The following RIPOR2 variants were observed in gnomAD, a reference collection of about 807,000 sequenced individuals.
The protein encoded by RIPOR2 is rho family-interacting cell polarization regulator 2.
A neutral mutation model predicts 114.5 loss-of-function variants in RIPOR2; 39 were observed. That is an observed-to-expected ratio of 0.34 (90% confidence interval 0.26 to 0.44). The LOEUF (loss-of-function observed/expected upper bound fraction) is 0.44, where lower values mean the gene tolerates loss of function less well. Ranked by LOEUF, RIPOR2 falls within the 20% of genes least tolerant of loss-of-function variation. The pLI, the probability that RIPOR2 is intolerant of heterozygous loss-of-function variation, is 1.00. For synonymous variants in RIPOR2, 445 were observed against 484.4 expected (o/e 0.92, Z 1.07); for missense variants, 1,007 against 1,255.1 (o/e 0.80, Z 2.99).
At chr6:24,993,346 C>CT (rs1398268065) in intron 1 of RIPOR2, among the ~76,000 whole-genome samples, 1 of 152,182 alleles carries the variant, frequency 6.6e-6, no homozygotes, top group Non-Finnish European at 1.5e-5. Context: ...CCTTCTTTGT[C>CT]TTTTTCTCCC....
At position 24,818,586 on chromosome 6, in the gene RIPOR2, G is replaced by A; in HGVS notation, c.2908C>T (p.Leu970Phe). ...AGGCAAGCTGCTTTCTGGAGCTGGA[G>A]GTTTGTCTTTGTTAGTGCTTCACAG... ...YYCEALTKTNLQLQKAACLAL... is the reference protein window; with the variant it reads ...YYCEALTKTNFQLQKAACLAL... Residue 970 changes from leucine to phenylalanine, a missense_variant, in exon 20 of 22, where the codon CTC becomes TTC. Transcript: ENST00000643898. The A allele has an allele frequency of 6.4e-7, 1 of 1,550,644 alleles. No homozygotes were observed. Among genetic ancestry groups the A allele is most frequent in the Non-Finnish European group, 8.7e-7 (1 of 1,146,294 alleles).
At chr6:24,999,558 CT>C (rs34050235) in intron 1 of RIPOR2, among the ~76,000 whole-genome samples, 41,835 of 137,372 alleles carry the variant, frequency 0.3, 5,698 homozygotes, top group Middle Eastern at 0.44. Flanking sequence ...CTGACTCATC[CT>C]TTTTTTTTTT....
intron 15 of RIPOR2, among the ~76,000 whole-genome samples, chr6:24,834,289 A>C (rs2113693262): frequency 6.6e-6 from 1 of 152,278 alleles, no homozygotes. Flanking sequence ...ATGGTGGAGA[A>C]GCATATTCTC....
At chr6:24,855,019 G>A (rs1403930598) in intron 8 of RIPOR2, among the ~76,000 whole-genome samples, 20 of 92,844 alleles carry the variant, frequency 2.2e-4, no homozygotes, top group African/African-American at 6.7e-4. Context: ...GTGAAACTCC[G>A]TCTCAAAAAA....
chr6:24,929,587 T>C (rs1013477833), intron 1 of RIPOR2: 1 of 152,232 alleles, frequency 6.6e-6, no homozygotes, highest in Non-Finnish European at 1.5e-5. Flanking sequence ...TCTGTCCTTC[T>C]GGTACTTGAA....
upstream of RIPOR2, among the ~76,000 whole-genome samples, chr6:24,936,666 C>T (rs374140717): frequency 1.2e-4 from 19 of 152,262 alleles, no homozygotes; most frequent in South Asian, 3.9e-3. Context: ...GCAGTCCTCC[C>T]AAAGGGATGA....
In RIPOR2 at chr6:24,902,333, G is replaced by A. The variant is rs559319565; in HGVS notation, c.62-26516C>T. The stretch of plus-strand genomic sequence containing the variant: ...GGGTTCAAGTGATTCTCCTGCCTTA[G>A]CCTCCTGAGTAGCTGGGATTACAGG... On this transcript the variant is annotated intron_variant, in intron 1 of 21. Transcript: ENST00000643898. 7.9e-5 allele frequency among the ~76,000 whole-genome samples: 12 copies of A among 151,604 alleles called. No homozygotes were observed. In the East Asian group the frequency reaches 2.3e-3, roughly 30 times the overall value.
At chr6:24,983,192 G>A (rs1378329997) in intron 1 of RIPOR2, among the ~76,000 whole-genome samples, 5 of 86,752 alleles carry the variant, frequency 5.8e-5, no homozygotes, top group African/African-American at 7.7e-5. Flanking sequence ...GGTTGAACAC[G>A]TACACACACA....
intron 1 of RIPOR2, among the ~76,000 whole-genome samples, chr6:25,038,507 G>T (rs1777346200): frequency 6.6e-6 from 1 of 152,238 alleles, no homozygotes; most frequent in African/African-American, 2.4e-5. Flanking sequence ...TCTATAAGCA[G>T]CAAAAGACCC....
intron 1 of RIPOR2, chr6:24,910,423 A>G (rs1176730021): frequency 3.3e-5 from 5 of 152,284 alleles, no homozygotes; most frequent in African/African-American, 1.2e-4. Flanking sequence ...GTTCCGTGCC[A>G]GGGGGCCACC....
intron 20 of RIPOR2, among the ~76,000 whole-genome samples, chr6:24,810,047 C>T (rs1781040463): frequency 6.6e-6 from 1 of 152,174 alleles, no homozygotes; most frequent in Admixed American, 6.5e-5. Flanking sequence ...GATGAGGTCT[C>T]ACTATGTTGC....
chr6:24,911,010 C>G, intron 1 of RIPOR2: 1 of 984,290 alleles, frequency 1.0e-6, no homozygotes, highest in Non-Finnish European at 1.2e-6. Context: ...CGCCGGCTGC[C>G]CTGCCGCGTC....
intron 6 of RIPOR2, among the ~76,000 whole-genome samples, chr6:24,866,412 A>T (rs1287055982): frequency 2.0e-5 from 3 of 152,150 alleles, no homozygotes; most frequent in Admixed American, 2.0e-4. Context: ...GTCTACTGGC[A>T]TCTAGTGGGT....
intron 12 of RIPOR2, 83 bp from the exon 13 acceptor site, chr6:24,843,637 A>G (rs1165469711): frequency 1.0e-5 from 11 of 1,050,856 alleles, no homozygotes; most frequent in Non-Finnish European, 1.5e-5. Flanking sequence ...GACAGAATAT[A>G]AGGCAATTAC....
intron 1 of RIPOR2, among the ~76,000 whole-genome samples, chr6:24,927,701 A>G (rs973920236): frequency 2.6e-5 from 4 of 152,162 alleles, no homozygotes; most frequent in African/African-American, 9.7e-5. Context: ...CACCACTACA[A>G]CCACTACTAC....
intron 18 of RIPOR2, among the ~76,000 whole-genome samples, chr6:24,826,973 T>G (rs1280978368): frequency 6.6e-6 from 1 of 152,124 alleles, no homozygotes; most frequent in African/African-American, 2.4e-5. Flanking sequence ...TGTTAAAGGT[T>G]TTTTTCATTG....
chr6:25,035,425 T>C (rs1484804314), intron 1 of RIPOR2, among the ~76,000 whole-genome samples: 1 of 152,186 alleles, frequency 6.6e-6, no homozygotes, highest in African/African-American at 2.4e-5. Context: ...AAGCCCAGCC[T>C]GAAGCCTAAA....
intron 1 of RIPOR2, among the ~76,000 whole-genome samples, chr6:24,876,769 G>A (rs1297373757): frequency 6.6e-6 from 1 of 152,118 alleles, no homozygotes; most frequent in Non-Finnish European, 1.5e-5. Context: ...AGCAGAAAGC[G>A]CACAACTTGT....
chr6:24,861,424 A>C (rs553755293), intron 7 of RIPOR2, among the ~76,000 whole-genome samples: 1 of 152,370 alleles, frequency 6.6e-6, no homozygotes, highest in South Asian at 2.1e-4. Context: ...TCCTGATTTG[A>C]AAGTAAATAA....
Sources: allele counts gnomAD v4.1 joint callset (sites outside exome capture counted in the v4.1 genomes callset), GRCh38; gene constraint gnomAD v4.1.1; transcripts MANE v1.5; gene names NCBI Gene and HGNC (gene_info 2026-07-23, HGNC 2026-07-21).